CMYA5: variants seen among roughly 807,000 people sequenced by gnomAD.
The protein encoded by CMYA5 is cardiomyopathy associated 5, also known as cardiomyopathy-associated protein 5.
A neutral mutation model predicts 318.9 loss-of-function variants in CMYA5; 246 were observed. The observed-to-expected ratio is 0.77, with a 90% CI of 0.70 to 0.86. The LOEUF (loss-of-function observed/expected upper bound fraction) is 0.86, where lower values mean the gene tolerates loss of function less well. CMYA5 is among the 40% of genes least tolerant of loss of function. The pLI is 0.00. For missense variants in CMYA5, 4,589 were observed against 4,678.2 expected (o/e 0.98, Z 0.56); for synonymous variants, 1,641 against 1,729.5 (o/e 0.95, Z 1.27).
At chr5:79,694,009 C>T (rs1827021516) in intron 1 of CMYA5, among the ~76,000 whole-genome samples, 1 of 152,148 alleles carries the variant, frequency 6.6e-6, no homozygotes, top group South Asian at 2.1e-4. Flanking sequence ...GGATGACCAG[C>T]TGCAAGGGCA....
At chr5:79,777,600 C>T (rs1472549139) in intron 9 of CMYA5, among the ~76,000 whole-genome samples, 1 of 151,520 alleles carries the variant, frequency 6.6e-6, no homozygotes, top group Non-Finnish European at 1.5e-5. Flanking sequence ...GGTGAAACCT[C>T]ATCTCTACTT....
intron 9 of CMYA5, among the ~76,000 whole-genome samples, chr5:79,768,564 G>T (rs975409556): frequency 2.0e-5 from 3 of 152,158 alleles, no homozygotes; most frequent in African/African-American, 7.2e-5. Context: ...GCTTAGTTTG[G>T]CCGGATATTA....
chr5:79,796,797 C>A (rs1305921809), intron 12 of CMYA5, among the ~76,000 whole-genome samples: 1 of 152,158 alleles, frequency 6.6e-6, no homozygotes, highest in African/African-American at 2.4e-5. Context: ...TATTTTATAT[C>A]ATTTATTCAA....
chr5:79,799,166 T>C (rs1302089475), intron 12 of CMYA5, among the ~76,000 whole-genome samples: 3 of 152,166 alleles, frequency 2.0e-5, no homozygotes, highest in Non-Finnish European at 4.4e-5. Flanking sequence ...GGAGCAAAAT[T>C]ATTAAACATG....
intron 1 of CMYA5, among the ~76,000 whole-genome samples, chr5:79,727,995 A>G (rs1216282946): frequency 3.3e-5 from 5 of 152,214 alleles, no homozygotes; most frequent in African/African-American, 7.2e-5. Context: ...TTATTGAGTG[A>G]GCACTAACTA....
intron 3 of CMYA5, among the ~76,000 whole-genome samples, chr5:79,744,879 A>C (rs765097538): frequency 8.5e-5 from 13 of 152,192 alleles, no homozygotes; most frequent in Non-Finnish European, 1.8e-4. Flanking sequence ...CATTTCCACC[A>C]TCTGAAGGCC....
chr5:79,791,118 T>A, intron 11 of CMYA5, 49 bp downstream of exon 11: 1 of 1,340,034 alleles, frequency 7.5e-7, no homozygotes, highest in Admixed American at 1.8e-5. Flanking sequence ...AGCAGTAGGG[T>A]CTTAGGGTGT....
At chr5:79,725,765 G>A (rs376890370) in intron 1 of CMYA5, among the ~76,000 whole-genome samples, 12 of 152,238 alleles carry the variant, frequency 7.9e-5, no homozygotes, top group African/African-American at 1.4e-4. Flanking sequence ...TTAGCCGGGC[G>A]TTATGACACG....
chr5:79,791,116 G>T, intron 11 of CMYA5, 47 bp downstream of exon 11: 2 of 1,360,902 alleles, frequency 1.5e-6, no homozygotes, highest in South Asian at 1.2e-5. Flanking sequence ...CCAGCAGTAG[G>T]GTCTTAGGGT....
At chr5:79,750,207 C>A (rs891906768) in intron 5 of CMYA5, among the ~76,000 whole-genome samples, 15 of 151,772 alleles carry the variant, frequency 9.9e-5, no homozygotes, top group African/African-American at 3.6e-4. Flanking sequence ...TCCATTTCAG[C>A]ATTTCAGGTG....
intron 1 of CMYA5, among the ~76,000 whole-genome samples, chr5:79,694,644 G>A (rs1827032727): frequency 6.6e-6 from 1 of 152,192 alleles, no homozygotes; most frequent in Non-Finnish European, 1.5e-5. Context: ...AAAATTATTA[G>A]TGACATTCAC....
chr5:79,745,649 G>T (rs746739143), intron 4 of CMYA5, among the ~76,000 whole-genome samples, 194 bp downstream of exon 4: 2 of 152,194 alleles, frequency 1.3e-5, no homozygotes, highest in African/African-American at 2.4e-5. Context: ...AAGCCTCAAT[G>T]CCCAGATCCA....
chr5:79,736,390 A>G lies in CMYA5; in HGVS notation c.7625A>G (p.Glu2542Gly). 6.2e-7 allele frequency: 1 copy of G among 1,611,870 alleles called. No individual in the cohort carries two copies. The highest frequency in any genetic ancestry group is 1.1e-5 in the South Asian group (1 of 90,780). Reference sequence around the variant, plus strand: ...GAAAAGGAGAAAGGTGAAGAAAAAGAAAATCAGGTATATGTGCTTTCAGAA... The same window carrying G: ...GAAAAGGAGAAAGGTGAAGAAAAAGGAAATCAGGTATATGTGCTTTCAGAA... Reference protein sequence around the residue: ...GSEKEKGEEKENQVYVLSEGK... With the variant: ...GSEKEKGEEKGNQVYVLSEGK... Residue 2542 changes from glutamate (E) to glycine (G), a missense_variant, in exon 2 of 13, where the codon GAA becomes GGA. Transcript: ENST00000446378.
chr5:79,737,055 T>A lies in CMYA5; in HGVS notation c.8290T>A (p.Phe2764Ile). The change falls in exon 2 of 13, where the codon TTC becomes ATC. Residue 2764 changes from phenylalanine to isoleucine, a missense_variant. Transcript: ENST00000446378. ...MPDHSEEKEQ[F>I]KESELWKGGS... ...AGATCACAGTGAAGAAAAAGAACAG[T>A]TCAAAGAGTCAGAGCTATGGAAAGG... is the stretch of plus-strand genomic sequence containing the variant. 1 of 1,613,680 alleles carries A rather than the reference T, an allele frequency of 6.2e-7. No individual in the cohort carries two copies. The highest frequency in any genetic ancestry group is 8.5e-7 in the Non-Finnish European group (1 of 1,179,794).
chr5:79,737,384 G>A lies in CMYA5; in HGVS notation c.8619G>A (p.Leu2873=), dbSNP rs764247428. ...CTGTTCTTGTTTCAAAGCACCACTTGGAGGCTGCGGAAGATACCCGTGTAA... is the reference window on the plus strand; with the variant it reads ...CTGTTCTTGTTTCAAAGCACCACTTAGAGGCTGCGGAAGATACCCGTGTAA... The part of the protein sequence containing the change: ...KQSVLVSKHH[L]EAAEDTRVKE... Residue 2873 remains leucine (L), a synonymous_variant, in exon 2 of 13, where the codon TTG becomes TTA. Transcript: ENST00000446378. 6.2e-7 allele frequency: 1 copy of A among 1,613,826 alleles called. No homozygotes were observed. Among genetic ancestry groups the A allele is most frequent in the Non-Finnish European group, 8.5e-7 (1 of 1,179,816 alleles).
At position 79,733,642 on chromosome 5, in the gene CMYA5, A is replaced by G. The variant is rs779608374; in HGVS notation, c.4877A>G (p.Asp1626Gly). ...CTGTCTTTGGAACCTGAGAAGAAAG[A>G]CAAGCCACACCAACCGTTGGAATTA... ...AELSLEPEKK[D>G]KPHQPLELPN... The change falls in exon 2 of 13, where the codon GAC becomes GGC. Residue 1626 changes from aspartate to glycine, a missense_variant. Transcript: ENST00000446378. The G allele has an allele frequency of 6.2e-7, 1 of 1,613,872 alleles. No individual in the cohort carries two copies. Among genetic ancestry groups the G allele is most frequent in the South Asian group, 1.1e-5 (1 of 91,080 alleles).
chr5:79,771,087 C>A (rs967299017), intron 9 of CMYA5, among the ~76,000 whole-genome samples: 46 of 146,384 alleles, frequency 3.1e-4, no homozygotes, highest in African/African-American at 6.3e-4. Flanking sequence ...AAAAAAAAAA[C>A]CAGACTTTTA....
At chr5:79,750,545 C>T (rs774927803) in intron 5 of CMYA5, among the ~76,000 whole-genome samples, 7 of 140,716 alleles carry the variant, frequency 5.0e-5, no homozygotes, top group Non-Finnish European at 8.0e-5. Context: ...TTTACCTTGC[C>T]ACTTTTTCTC....
chr5:79,738,089 G>T lies in CMYA5; in HGVS notation c.9324G>T (p.Leu3108Phe), dbSNP rs746862498. Residue 3108 changes from leucine to phenylalanine, a missense_variant, in exon 2 of 13, where the codon TTG becomes TTT. Transcript: ENST00000446378. ...VESALEHEYD[L>F]VKLDESFYGP... is the part of the protein sequence containing the mutation. ...GTGCACTAGAACATGAATATGACTTGGTGAAATTAGATGAAAGTTTTTATG... is the reference window on the plus strand; with the variant it reads ...GTGCACTAGAACATGAATATGACTTTGTGAAATTAGATGAAAGTTTTTATG... The T allele has an allele frequency of 1.2e-6, 2 of 1,613,370 alleles. No homozygotes were observed. The highest frequency in any genetic ancestry group is 1.7e-6 in the Non-Finnish European group (2 of 1,179,728).
Sources: allele counts gnomAD v4.1 joint callset (sites outside exome capture counted in the v4.1 genomes callset), GRCh38; gene constraint gnomAD v4.1.1; transcripts MANE v1.5; gene names NCBI Gene and HGNC (gene_info 2026-07-23, HGNC 2026-07-21).